Variants in CDHR1 observed in about 807,000 individuals in gnomAD.
CDHR1 encodes cadherin-related family member 1.
In CDHR1, 61 loss-of-function variants were observed where a neutral mutation model predicts 72.1. The observed-to-expected ratio is 0.85, with a 90% CI of 0.69 to 1.05. The LOEUF (loss-of-function observed/expected upper bound fraction) is 1.05. Ranked by LOEUF, CDHR1 falls within the 50% of genes least tolerant of loss-of-function variation. CDHR1 has a pLI of 0.00. For synonymous variants in CDHR1, 470 were observed against 448.1 expected, an observed-to-expected ratio of 1.05 and a Z score of -0.62; for missense variants, 1,186 against 1,115.7, an observed-to-expected ratio of 1.06 and a Z score of -0.90.
At chr10:84,204,719 T>C (rs1286551765) in intron 9 of CDHR1, 114 bp downstream of exon 9, 9 of 761,910 alleles carry the variant, frequency 1.2e-5, no homozygotes, top group Non-Finnish European at 1.9e-5. Context: ...GATTACAAGA[T>C]GTATGGAGAG....
intron 10 of CDHR1, among the ~76,000 whole-genome samples, chr10:84,206,634 C>T (rs1458039377): frequency 6.6e-6 from 1 of 152,216 alleles, no homozygotes; most frequent in Non-Finnish European, 1.5e-5. Flanking sequence ...TGGCTGCTCA[C>T]CAGACCAGTG....
rs1287033239 is a variant in CDHR1, at chr10:84,205,933, C to A, written c.963+6C>A. On this transcript the variant is annotated splice_donor_region_variant and intron_variant, in intron 10 of 16. Coordinates refer to ENST00000623527, the MANE Select transcript of CDHR1 (RefSeq NM_033100.4). ...TGTATGAGCTGCATGTACAGGTACCCTCCCTCTAGCTTTGTCTTCCCTGCC... is the reference window on the plus strand; with the variant it reads ...TGTATGAGCTGCATGTACAGGTACCATCCCTCTAGCTTTGTCTTCCCTGCC... The A allele has an allele frequency of 1.5e-5, 24 of 1,608,288 alleles. No individual in the cohort carries two copies. The highest frequency in any genetic ancestry group is 1.7e-5 in the Non-Finnish European group (20 of 1,174,954).
At chr10:84,201,966 G>C (rs1435157670) in intron 7 of CDHR1, 46 bp downstream of exon 7, 18 of 1,461,808 alleles carry the variant, frequency 1.2e-5, no homozygotes, top group Non-Finnish European at 1.6e-5. Context: ...CTCAGCCCTT[G>C]GGTTGGAACC....
Position 84,218,075 on chromosome 10 carries a change from C to T in CDHR1, c.*3454C>T, listed in dbSNP as rs1291659406. On this transcript the variant is annotated 3_prime_UTR_variant, in exon 17 of 17. Transcript: ENST00000623527. ...GTCCACCTGCCAGGGGTGTTGGCAT[C>T]TGTTGACAGGCAGTGGCACATCCTG... The T allele has an allele frequency of 2.0e-6, 2 of 985,358 alleles. No individual in the cohort carries two copies. Among genetic ancestry groups the T allele is most frequent in the East Asian group, 2.3e-4 (2 of 8,830 alleles). The allele number at this position is 985,358 out of a possible 1,614,324, so 61.0% of individuals were successfully genotyped here.
At chr10:84,199,686 A>G (rs938202328) in intron 5 of CDHR1, among the ~76,000 whole-genome samples, 2 of 152,144 alleles carry the variant, frequency 1.3e-5, no homozygotes, top group African/African-American at 2.4e-5. Flanking sequence ...CTGAGCATCA[A>G]TTTGTTTTTC....
rs2132820685 is a variant in CDHR1, at chr10:84,208,315, G to GA, written c.1106dup (p.His370AlafsTer17). The GA allele has an allele frequency of 6.2e-7, 1 of 1,614,142 alleles. No homozygotes were observed. Among genetic ancestry groups the GA allele is most frequent in the East Asian group, 2.2e-5 (1 of 44,862 alleles). ...AAACAGGTTTGAGCTGTCCATGAATGAGCACCCACCCCAGGGAGAGATCCT... is the reference window on the plus strand; with the variant it reads ...AAACAGGTTTGAGCTGTCCATGAATGAAGCACCCACCCCAGGGAGAGATCCT... On this transcript the variant is annotated frameshift_variant, in exon 11 of 17. Transcript: ENST00000623527. LOFTEE classifies it high-confidence loss of function.
chr10:84,198,191 C>A (rs987104033), intron 4 of CDHR1, among the ~76,000 whole-genome samples: 1 of 152,170 alleles, frequency 6.6e-6, no homozygotes. Context: ...TTTCTCTCAG[C>A]GATCATCAGT....
intron 1 of CDHR1, among the ~76,000 whole-genome samples, chr10:84,195,198 A>G (rs1385284502): frequency 2.0e-5 from 3 of 152,160 alleles, no homozygotes; most frequent in Non-Finnish European, 4.4e-5. Context: ...CCCCTCTCCG[A>G]GCGCGGGTGC....
downstream of CDHR1, chr10:84,219,177 G>A (rs939763054): frequency 3.4e-5 from 53 of 1,550,462 alleles, no homozygotes; most frequent in Admixed American, 4.5e-4. Context: ...ATTCCAGCCA[G>A]GGTCTGTTCT....
In CDHR1 at chr10:84,215,141, C is replaced by T; in HGVS notation, c.*520C>T. On this transcript the variant is annotated 3_prime_UTR_variant, in exon 17 of 17. Transcript: ENST00000623527. The stretch of plus-strand genomic sequence containing the variant: ...GCGAACCTCGTGGGCTGTAGGAAAG[C>T]AAATGTAGGTAAGGGGAGAGCAAGG... 9.8e-7 allele frequency: 1 copy of T among 1,019,322 alleles called. No homozygotes were observed. The highest frequency in any genetic ancestry group is 3.9e-5 in the South Asian group (1 of 25,466). The allele number at this position is 1,019,322 out of a possible 1,614,324, so 63.1% of individuals were successfully genotyped here.
At chr10:84,200,516 C>T in intron 5 of CDHR1, 85 bp from the exon 6 acceptor site, 1 of 868,538 alleles carries the variant, frequency 1.2e-6, no homozygotes, top group South Asian at 1.4e-5. Flanking sequence ...CTCCCCGACC[C>T]CACTGCTGCA....
chr10:84,202,491 C>T (rs1424582059), intron 7 of CDHR1, among the ~76,000 whole-genome samples: 1 of 152,216 alleles, frequency 6.6e-6, no homozygotes, highest in Non-Finnish European at 1.5e-5. Context: ...CACAGCCTGG[C>T]TTACAGGCCA....
In CDHR1 at chr10:84,215,610, C is replaced by T; in HGVS notation, c.*989C>T. The T allele has an allele frequency of 1.1e-6, 1 of 921,954 alleles. No homozygotes were observed. The highest frequency in any genetic ancestry group is 1.3e-6 in the Non-Finnish European group (1 of 772,108). The allele number at this position is 921,954 out of a possible 1,614,324, so 57.1% of individuals were successfully genotyped here. A position where few individuals can be genotyped will look rare whatever the true frequency, so the allele number is the denominator to read the frequency against. The stretch of plus-strand genomic sequence containing the variant: ...TGAAGAAAGTAGGCCCTGTCTACCT[C>T]ACATGCAGGTCTAGGGTGAGGATTG... On this transcript the variant is annotated 3_prime_UTR_variant, in exon 17 of 17. Coordinates refer to ENST00000623527, the MANE Select transcript of CDHR1 (RefSeq NM_033100.4).
rs377606696 is a variant in CDHR1 at position 84,210,981 on chromosome 10, C to T, written c.1321-20C>T. 1.2e-6 allele frequency: 2 copies of T among 1,614,004 alleles called. No homozygotes were observed. The highest frequency in any genetic ancestry group is 1.3e-5 in the African/African-American group (1 of 74,928). The stretch of plus-strand genomic sequence containing the variant: ...CATGAGTGCCTACCCAGACAAGTCC[C>T]CATTTTCCCCCCTTCCCAGCTCCTG... On this transcript the variant is annotated intron_variant, in intron 12 of 16. Coordinates refer to ENST00000623527, the MANE Select transcript of CDHR1 (RefSeq NM_033100.4).
At chr10:84,210,975 A>C (rs1225733996) in intron 12 of CDHR1, 26 bp from the exon 13 acceptor site, 1 of 1,614,020 alleles carries the variant, frequency 6.2e-7, no homozygotes. Context: ...CTACCCAGAC[A>C]AGTCCCCATT....
chr10:84,198,129 A>G (rs1317811691), intron 4 of CDHR1, among the ~76,000 whole-genome samples: 1 of 152,128 alleles, frequency 6.6e-6, no homozygotes, highest in Non-Finnish European at 1.5e-5. Flanking sequence ...TCCCCCACCC[A>G]GGTCTTGCCC....
In CDHR1 at chr10:84,214,345, G is replaced by A. The variant is rs745362776; in HGVS notation, c.2304G>A (p.Met768Ile). The change falls in exon 17 of 17, where the codon ATG becomes ATA. Residue 768 changes from methionine to isoleucine, a missense_variant. By Grantham distance (10) the Met-to-Ile change is conservative. Transcript: ENST00000623527. ...GCACCAAAGCCGCTACCAAGTTCAT[G>A]CTCAAAGAGAAACCTCCCAATGAGA... ...SKSTKAATKF[M>I]LKEKPPNENC... 2 of 1,614,204 alleles carry A rather than the reference G, an allele frequency of 1.2e-6. No individual in the cohort carries two copies. Among genetic ancestry groups the A allele is most frequent in the Non-Finnish European group, 8.5e-7 (1 of 1,180,048 alleles).
intron 8 of CDHR1, among the ~76,000 whole-genome samples, chr10:84,204,147 C>A (rs1000243263): frequency 6.6e-6 from 1 of 152,164 alleles, no homozygotes; most frequent in Non-Finnish European, 1.5e-5. Context: ...CCTTCATGCA[C>A]CTCTGGGGTG....
At chr10:84,206,969 G>A (rs955505384) in intron 10 of CDHR1, among the ~76,000 whole-genome samples, 2 of 152,192 alleles carry the variant, frequency 1.3e-5, no homozygotes, top group African/African-American at 2.4e-5. Flanking sequence ...GATCTTGAGG[G>A]AAAGGGATGG....
Sources: allele counts gnomAD v4.1 joint callset (sites outside exome capture counted in the v4.1 genomes callset), GRCh38; gene constraint gnomAD v4.1.1; transcripts MANE v1.5; gene names NCBI Gene and HGNC (gene_info 2026-07-23, HGNC 2026-07-21).